Variants in RTTN observed in about 807,000 individuals in gnomAD.
RTTN encodes the protein rotatin.
In RTTN, 182 loss-of-function variants were observed where a neutral mutation model predicts 269.2. The observed-to-expected ratio is 0.68, with a 90% CI of 0.60 to 0.76. The LOEUF is 0.76. Ranked by LOEUF, RTTN falls within the 30% of genes least tolerant of loss-of-function variation. The pLI is 0.00. For missense variants in RTTN, 2,545 were observed against 2,608.6 expected (o/e 0.98, Z 0.53); for synonymous variants, 1,006 against 963.5 (o/e 1.04, Z -0.82).
chr18:70,204,260 GA>G lies in RTTN; in HGVS notation c.222del (p.Pro76GlnfsTer12). 1.9e-6 allele frequency: 3 copies of G among 1,601,258 alleles called. No homozygotes were observed. The highest frequency in any genetic ancestry group is 2.6e-6 in the Non-Finnish European group (3 of 1,175,504). On this transcript the variant is annotated frameshift_variant and splice_region_variant, in exon 3 of 49. Transcript: ENST00000640769. LOFTEE classifies it high-confidence loss of function. ...VLNLLSRLVK[Y>X]PPAVQHLVDV... ...TCAACCAAATGTTGGACTGCTGGGG[GA>G]TACTAAAATAAGAAGAGGATGATCT...
At chr18:70,193,055 A>G (rs1270676770) in intron 8 of RTTN, 1 of 440,604 alleles carries the variant, frequency 2.3e-6, no homozygotes, top group African/African-American at 2.1e-5. Flanking sequence ...TAAACAGAGC[A>G]TATGTTCAAG....
chr18:70,177,096 A>G (rs1016529953), intron 10 of RTTN, among the ~76,000 whole-genome samples: 1 of 152,348 alleles, frequency 6.6e-6, no homozygotes, highest in African/African-American at 2.4e-5. Context: ...AATCTTAACA[A>G]TGAATAAATA....
At chr18:70,005,133 T>C (rs2056143612) in intron 48 of RTTN, 65 bp downstream of exon 48, 1 of 1,237,716 alleles carries the variant, frequency 8.1e-7, no homozygotes, top group Admixed American at 1.9e-5. Context: ...AAATATCTCA[T>C]TAATCAGAAA....
At chr18:70,072,537 T>A (rs1276203109) in intron 34 of RTTN, among the ~76,000 whole-genome samples, 9 of 152,126 alleles carry the variant, frequency 5.9e-5, no homozygotes, top group Admixed American at 5.9e-4. Flanking sequence ...TTCAAAAGGT[T>A]GATATGCTTT....
rs929051100 is a variant in RTTN at position 70,053,997 on chromosome 18, CATT to C, written c.5185+131_5185+133del. The C allele has an allele frequency of 2.8e-5, 20 of 707,710 alleles. No individual in the cohort carries two copies. In the African/African-American group the frequency reaches 3.4e-4, roughly 12 times the overall value. The allele number at this position is 707,710 out of a possible 1,614,324, so 43.8% of individuals were successfully genotyped here. On this transcript the variant is annotated intron_variant, in intron 38 of 48. Coordinates refer to ENST00000640769, the MANE Select transcript of RTTN (RefSeq NM_173630.4). ...TAAAAGGCATCCAAACTATAAAACA[CATT>C]ATCAAAGCCTTCCAAAATACTAGCA...
chr18:70,086,641 G>T lies in RTTN; in HGVS notation c.4346C>A (p.Thr1449Lys). The T allele has an allele frequency of 7.0e-7, 1 of 1,431,426 alleles. No homozygotes were observed. The highest frequency in any genetic ancestry group is 1.7e-5 in the African/African-American group (1 of 60,124). 88.7% of individuals were successfully genotyped at this position (1,431,426 alleles called of 1,614,324 possible). Residue 1449 changes from threonine (T) to lysine (K), a missense_variant, in exon 32 of 49, where the codon ACA becomes AAA. Coordinates refer to ENST00000640769, the MANE Select transcript of RTTN (RefSeq NM_173630.4). ...LQNLLVIPMPTEIIKDYTWQG... is the reference protein window; with the variant it reads ...LQNLLVIPMPKEIIKDYTWQG... Reference sequence around the variant, plus strand: ...CCAAGTATAATCCTTTATAATTTCTGTAGGCATTGGAATTACAAGGAGATT... The same window carrying T: ...CCAAGTATAATCCTTTATAATTTCTTTAGGCATTGGAATTACAAGGAGATT...
chr18:70,157,118 C>G (rs554701485), intron 14 of RTTN, among the ~76,000 whole-genome samples: 37 of 152,322 alleles, frequency 2.4e-4, no homozygotes, highest in African/African-American at 8.9e-4. Flanking sequence ...GCCTCCCCTG[C>G]CAGTGCGCAC....
intron 40 of RTTN, among the ~76,000 whole-genome samples, chr18:70,039,864 G>A (rs2057289184): frequency 6.6e-6 from 1 of 152,130 alleles, no homozygotes. Flanking sequence ...TCTTTTGCAT[G>A]TGTGCTTGTT....
chr18:70,057,807 T>C lies in RTTN; in HGVS notation c.4966A>G (p.Thr1656Ala). ...CSIADATLIQ[T>A]CVQELRALLP... The stretch of plus-strand genomic sequence containing the variant: ...AGGGCTCTGAGTTCCTGGACACATG[T>C]CTGTATGAGGGTAGCATCTGCAATG... Residue 1656 changes from threonine to alanine, a missense_variant, in exon 37 of 49, where the codon ACA becomes GCA. Thr to Ala is a moderately conservative substitution (Grantham distance 58). Coordinates refer to ENST00000640769, the MANE Select transcript of RTTN (RefSeq NM_173630.4). 1 of 1,613,738 alleles carries C rather than the reference T, an allele frequency of 6.2e-7. No individual in the cohort carries two copies. The highest frequency in any genetic ancestry group is 1.7e-4 in the Middle Eastern group (1 of 6,054).
At chr18:70,197,875 GATCTTTTCCCTAACCAATAAACA>G (rs2061850472) in intron 5 of RTTN, 137 bp from the exon 6 acceptor site, 1 of 612,524 alleles carries the variant, frequency 1.6e-6, no homozygotes, top group Non-Finnish European at 2.9e-6. Flanking sequence ...AGCCTTCCTA[GATCTTTTCCCTAACCAATAAACA>G]ACTCTAGGGC....
At chr18:70,016,387 A>C (rs904479572) in intron 46 of RTTN, among the ~76,000 whole-genome samples, 6 of 152,160 alleles carry the variant, frequency 3.9e-5, no homozygotes, top group African/African-American at 1.4e-4. Flanking sequence ...TTATAAACTG[A>C]TTCTTACCAA....
At chr18:70,173,765 TC>T (rs2061211892) in intron 11 of RTTN, among the ~76,000 whole-genome samples, 1 of 152,190 alleles carries the variant, frequency 6.6e-6, no homozygotes, top group East Asian at 1.9e-4. Context: ...AAAAATACAG[TC>T]AGTAAGAAGA....
chr18:70,193,235 C>A, intron 8 of RTTN, 53 bp downstream of exon 8: 3 of 1,361,916 alleles, frequency 2.2e-6, no homozygotes, highest in Non-Finnish European at 3.0e-6. Context: ...AATTAACACA[C>A]ACACAAGTTA....
At chr18:70,036,752 G>C (rs562931838) in intron 40 of RTTN, among the ~76,000 whole-genome samples, 1 of 152,286 alleles carries the variant, frequency 6.6e-6, no homozygotes, top group East Asian at 1.9e-4. Flanking sequence ...AGCCTATACT[G>C]TCTGTCCTCC....
At chr18:70,008,541 C>T (rs1322176328) in intron 46 of RTTN, 1 of 151,860 alleles carries the variant, frequency 6.6e-6, no homozygotes, top group Non-Finnish European at 1.5e-5. Flanking sequence ...ACTAGAATAA[C>T]CAGTTTAAAG....
In RTTN at chr18:70,065,710, A is replaced by G. The variant is rs571108520; in HGVS notation, c.4747+119T>C. The G allele has an allele frequency of 9.7e-6, 5 of 517,054 alleles. No individual in the cohort carries two copies. In the Admixed American group the frequency reaches 1.0e-4, roughly 10 times the overall value. The allele number at this position is 517,054 out of a possible 1,614,324, so 32.0% of individuals were successfully genotyped here. On this transcript the variant is annotated intron_variant, in intron 35 of 48. Transcript: ENST00000640769. ...ATATTGGTTCTAAATGTATTTCATA[A>G]TGGTCTACAACTTATTTCATTAAAA... is the stretch of plus-strand genomic sequence containing the variant.
intron 8 of RTTN, among the ~76,000 whole-genome samples, chr18:70,192,837 T>C (rs1268892781): frequency 1.3e-5 from 2 of 152,132 alleles, no homozygotes; most frequent in African/African-American, 4.8e-5. Flanking sequence ...TAAAATACTA[T>C]CAACAATGTA....
rs2061961613 is a variant in RTTN at position 70,201,886 on chromosome 18, A to G, written c.487+8T>C. On this transcript the variant is annotated splice_region_variant and intron_variant, in intron 4 of 48. Transcript: ENST00000640769. ...GTCAACAGGATTTACTTCCCGACAT[A>G]TACACACCCACTGGTCGTGGCGGCA... 5 of 1,568,168 alleles carry G rather than the reference A, an allele frequency of 3.2e-6. No homozygotes were observed. The highest frequency in any genetic ancestry group is 4.4e-6 in the Non-Finnish European group (5 of 1,140,270).
chr18:70,037,650 G>A (rs779979270), intron 40 of RTTN, among the ~76,000 whole-genome samples: 5 of 152,150 alleles, frequency 3.3e-5, no homozygotes, highest in Non-Finnish European at 5.9e-5. Flanking sequence ...GCTCTGGGAC[G>A]TGCTGACTTT....
Sources: gnomAD v4.1 joint callset for allele counts (sites outside exome capture counted in the v4.1 genomes callset) on GRCh38, gnomAD v4.1.1 for gene constraint, MANE v1.5 for transcripts, NCBI Gene and HGNC (gene_info 2026-07-23, HGNC 2026-07-21) for gene names.